Variants in CRYBG1 observed in about 807,000 individuals in gnomAD.
CRYBG1 encodes beta/gamma crystallin domain-containing protein 1.
Under a neutral mutation model 189.2 loss-of-function variants are expected in CRYBG1, and 139 were observed. The observed-to-expected ratio is 0.73, with a 90% confidence interval of 0.64 to 0.85. The LOEUF is 0.85. CRYBG1 is among the 40% of genes least tolerant of loss of function. CRYBG1 has a pLI of 0.00. For missense variants in CRYBG1, 2,611 were observed against 2,675.8 expected (o/e 0.98, Z 0.53); for synonymous variants, 1,023 against 1,017.1 (o/e 1.01, Z -0.11).
At chr6:106,435,735 C>T (rs904556702) in intron 1 of CRYBG1, among the ~76,000 whole-genome samples, 9 of 152,062 alleles carry the variant, frequency 5.9e-5, no homozygotes, top group Non-Finnish European at 1.3e-4. Flanking sequence ...GCCACCATGC[C>T]CAGCTAATTT....
At chr6:106,554,448 T>C (rs774679552) in intron 16 of CRYBG1, among the ~76,000 whole-genome samples, 1 of 152,090 alleles carries the variant, frequency 6.6e-6, no homozygotes, top group African/African-American at 2.4e-5. Context: ...ACCCTGTCTT[T>C]ACTAAAAATA....
chr6:106,514,778 C>T (rs1310719344), intron 3 of CRYBG1, among the ~76,000 whole-genome samples: 1 of 152,228 alleles, frequency 6.6e-6, no homozygotes, highest in Non-Finnish European at 1.5e-5. Context: ...GTTTGCTGTT[C>T]TCTGTAATAG....
intron 10 of CRYBG1, among the ~76,000 whole-genome samples, chr6:106,542,531 T>C (rs1241466120): frequency 6.6e-6 from 1 of 151,418 alleles, no homozygotes; most frequent in East Asian, 1.9e-4. Context: ...CCTCCTGCCT[T>C]GGCCTCCCAA....
intron 8 of CRYBG1, among the ~76,000 whole-genome samples, chr6:106,532,339 G>A (rs1773896010): frequency 6.6e-6 from 1 of 151,942 alleles, no homozygotes; most frequent in Non-Finnish European, 1.5e-5. Context: ...CTGTATCTTG[G>A]CTATTACAAA....
chr6:106,521,152 A>G lies in CRYBG1; in HGVS notation c.3944A>G (p.Asn1315Ser), dbSNP rs146778804. 28 of 1,614,086 alleles carry G rather than the reference A, an allele frequency of 1.7e-5. No homozygotes were observed. Among genetic ancestry groups the G allele is most frequent in the Middle Eastern group, 3.3e-4 (2 of 6,062 alleles). ...PDNSLKVFNFNSSSTSHSSLK... is the reference protein window; with the variant it reads ...PDNSLKVFNFSSSSTSHSSLK... ...AACTCCTTAAAGGTCTTCAATTTCAACTCGTCAAGTACATCACACTCCAGT... is the reference window on the plus strand; with the variant it reads ...AACTCCTTAAAGGTCTTCAATTTCAGCTCGTCAAGTACATCACACTCCAGT... The change falls in exon 4 of 22, where the codon AAC (asparagine) becomes AGC (serine). Residue 1315 changes from asparagine (N) to serine (S), a missense_variant. Asn to Ser is a conservative substitution (Grantham distance 46). This residue lies in a region of CRYBG1 where 1,622 missense variants were observed against 1,735.0 expected (regional missense o/e 0.93). Coordinates refer to ENST00000633556, the MANE Select transcript of CRYBG1 (RefSeq NM_001371242.2).
intron 13 of CRYBG1, among the ~76,000 whole-genome samples, chr6:106,546,222 T>C (rs1355755807): frequency 6.6e-6 from 1 of 152,232 alleles, no homozygotes; most frequent in Admixed American, 6.5e-5. Context: ...GGGAGATAGA[T>C]GCCAGATGGG....
intron 1 of CRYBG1, among the ~76,000 whole-genome samples, chr6:106,375,761 G>A (rs1182625132): frequency 1.3e-5 from 2 of 152,104 alleles, no homozygotes; most frequent in Admixed American, 6.6e-5. Flanking sequence ...CTGTTTTGGA[G>A]GCTTCACCAT....
chr6:106,501,506 GTTAC>G (rs970517530), intron 2 of CRYBG1, among the ~76,000 whole-genome samples: 88 of 152,302 alleles, frequency 5.8e-4, no homozygotes, highest in African/African-American at 1.8e-3. Flanking sequence ...AATTCATTGT[GTTAC>G]TTACTTAGTT....
intron 2 of CRYBG1, among the ~76,000 whole-genome samples, chr6:106,510,513 C>T (rs1773226697): frequency 6.6e-6 from 1 of 152,242 alleles, no homozygotes. Flanking sequence ...GCGGATCATT[C>T]GCAGGCGGCC....
At position 106,366,496 on chromosome 6, in the gene CRYBG1, T is replaced by TA. The variant is rs200516127; in HGVS notation, c.173+5415_173+5416insA. On this transcript the variant is annotated intron_variant, in intron 1 of 21. Coordinates refer to ENST00000633556, the MANE Select transcript of CRYBG1 (RefSeq NM_001371242.2). Reference sequence around the variant, plus strand: ...TGTTTTTGAGAGTTATAAATATATATTTTTTAAAAATGACTAGCCTAGTAC... The same window carrying TA: ...TGTTTTTGAGAGTTATAAATATATATATTTTTAAAAATGACTAGCCTAGTAC... 2.8e-3 allele frequency among the ~76,000 whole-genome samples: 433 copies of TA among 152,278 alleles called. 3 individuals are homozygous for TA. In the Middle Eastern group the frequency reaches 0.048, roughly 17 times the overall value.
chr6:106,434,227 G>A (rs1241825329), intron 1 of CRYBG1, among the ~76,000 whole-genome samples: 1 of 152,080 alleles, frequency 6.6e-6, no homozygotes, highest in East Asian at 1.9e-4. Context: ...GGGACACACT[G>A]TTATTACCTA....
At chr6:106,401,675 C>T (rs1159364614) in intron 1 of CRYBG1, among the ~76,000 whole-genome samples, 10 of 115,574 alleles carry the variant, frequency 8.7e-5, no homozygotes, top group Admixed American at 3.8e-4. Context: ...TTTGTTCTTG[C>T]GATAGTTTAC....
intron 2 of CRYBG1, among the ~76,000 whole-genome samples, chr6:106,495,751 G>A (rs1301745529): frequency 6.9e-6 from 1 of 145,502 alleles, no homozygotes; most frequent in Admixed American, 7.0e-5. Flanking sequence ...CATTCTTACA[G>A]CATCTATTTT....
chr6:106,373,518 G>A (rs17066910), intron 1 of CRYBG1, among the ~76,000 whole-genome samples: 8,474 of 152,166 alleles, frequency 0.056, 388 homozygotes, highest in East Asian at 0.16. Context: ...GATGCAAAAG[G>A]ATTATGAAAA....
At chr6:106,488,632 C>T (rs984578785) in intron 2 of CRYBG1, among the ~76,000 whole-genome samples, 7 of 152,046 alleles carry the variant, frequency 4.6e-5, no homozygotes, top group Middle Eastern at 3.2e-3. Context: ...GGTGGGCTGA[C>T]TTTAGGCCAA....
chr6:106,481,400 A>T (rs151148093), intron 2 of CRYBG1, among the ~76,000 whole-genome samples: 5 of 152,272 alleles, frequency 3.3e-5, no homozygotes, highest in African/African-American at 1.2e-4. Context: ...CATAGAATTA[A>T]ATCATGAGAG....
chr6:106,399,589 G>C lies in CRYBG1; in HGVS notation c.173+38508G>C, dbSNP rs145280498. Among the ~76,000 whole-genome samples, 218 of 152,102 alleles carry C rather than the reference G, an allele frequency of 1.4e-3. 3 individuals carry two copies. The highest frequency in any genetic ancestry group is 4.9e-3 in the African/African-American group (202 of 41,482). On this transcript the variant is annotated intron_variant, in intron 1 of 21. Transcript: ENST00000633556. ...ACTTGCAGTATTCTCTTATGGCTTAGTAAGAACTTTTCTGTGTGATAACTT... is the reference window on the plus strand; with the variant it reads ...ACTTGCAGTATTCTCTTATGGCTTACTAAGAACTTTTCTGTGTGATAACTT...
Position 106,440,269 on chromosome 6 carries a change from T to TC in CRYBG1, c.174-11425_174-11424insC, listed in dbSNP as rs894820555. 3.7e-3 allele frequency among the ~76,000 whole-genome samples: 198 copies of TC among 53,688 alleles called. 2 individuals carry two copies. Among genetic ancestry groups the TC allele is most frequent in the Middle Eastern group, 0.034 (5 of 146 alleles). 35.2% of individuals were successfully genotyped at this position (53,688 alleles called of 152,430 possible). On this transcript the variant is annotated intron_variant, in intron 1 of 21. Coordinates refer to ENST00000633556, the MANE Select transcript of CRYBG1 (RefSeq NM_001371242.2). Reference sequence around the variant, plus strand: ...CTCTCTCTCTCTCTCTCTCTCTCTCTTTTTTTTTCTTTTGAGACAGAGTCT... The same window carrying TC: ...CTCTCTCTCTCTCTCTCTCTCTCTCTCTTTTTTTTCTTTTGAGACAGAGTCT...
intron 1 of CRYBG1, among the ~76,000 whole-genome samples, chr6:106,450,091 G>A (rs1244776196): frequency 5.9e-5 from 9 of 151,868 alleles, no homozygotes; most frequent in African/African-American, 2.2e-4. Context: ...GCTGGGTGTG[G>A]TGGCACATGC....
Sources: gnomAD v4.1 joint callset for allele counts (sites outside exome capture counted in the v4.1 genomes callset) on GRCh38, gnomAD v4.1.1 for gene constraint, gnomAD v4.1.1 regional missense constraint, MANE v1.5 for transcripts, NCBI Gene and HGNC (gene_info 2026-07-23, HGNC 2026-07-21) for gene names.